The following ATF7IP2 variants were observed in gnomAD, a reference collection of about 807,000 sequenced individuals.
ATF7IP2 encodes the protein activating transcription factor 7 interacting protein 2.
A neutral mutation model predicts 64.2 loss-of-function variants in ATF7IP2; 42 were observed. The ratio of observed to expected loss-of-function variants is 0.65; its 90% CI spans 0.51 to 0.85. The LOEUF is 0.85. Among genes scored for constraint, ATF7IP2 ranks in the 40% least tolerant of loss-of-function variants. The pLI, the probability that ATF7IP2 is intolerant of heterozygous loss-of-function variation, is 0.00. For missense variants in ATF7IP2, 933 were observed against 784.2 expected, an observed-to-expected ratio of 1.19 and a Z score of -2.27; for synonymous variants, 308 against 272.8, an observed-to-expected ratio of 1.13 and a Z score of -1.27.
At chr16:10,435,306 T>G (rs761722360) in intron 6 of ATF7IP2, among the ~76,000 whole-genome samples, 49 of 152,246 alleles carry the variant, frequency 3.2e-4, no homozygotes, top group Admixed American at 6.5e-5. Flanking sequence ...TAATTCCAGT[T>G]AAATTACTGA....
intron 7 of ATF7IP2, among the ~76,000 whole-genome samples, chr16:10,439,591 C>T (rs1216781647): frequency 2.2e-5 from 3 of 133,706 alleles, no homozygotes; most frequent in Admixed American, 8.0e-5. Flanking sequence ...GGAGTGCAGT[C>T]GTGTGATCTC....
chr16:10,445,714 T>TCC (rs1251007318), intron 8 of ATF7IP2: 2 of 152,068 alleles, frequency 1.3e-5, no homozygotes, highest in African/African-American at 4.8e-5. Context: ...TTTATGTTGG[T>TCC]CAGGCTGGTC....
chr16:10,402,973 G>A lies in ATF7IP2; in HGVS notation c.-241-11601G>A, dbSNP rs78729674. On this transcript the variant is annotated intron_variant, in intron 1 of 13. Coordinates refer to ENST00000562102, the MANE Select transcript of ATF7IP2 (RefSeq NM_001393719.1). ...TGGTCTGACTTGGAGAATGTTCCAT[G>A]TGCTAATGAGAAAAATGTATACTCT... 3.2e-3 allele frequency among the ~76,000 whole-genome samples: 483 copies of A among 151,976 alleles called. 1 individual carries two copies. Among genetic ancestry groups the A allele is most frequent in the African/African-American group, 0.011 (458 of 41,456 alleles).
chr16:10,398,857 T>C (rs1190832648), intron 1 of ATF7IP2, among the ~76,000 whole-genome samples: 1 of 152,214 alleles, frequency 6.6e-6, no homozygotes, highest in East Asian at 1.9e-4. Flanking sequence ...CTCACTCCTG[T>C]AATCCCACCA....
chr16:10,459,603 C>T (rs141137399), intron 9 of ATF7IP2, among the ~76,000 whole-genome samples: 150 of 152,126 alleles, frequency 9.9e-4, no homozygotes, highest in African/African-American at 3.5e-3. Context: ...GCTGAGATCA[C>T]GCCACTGTAC....
At chr16:10,439,448 A>G (rs1286748274) in intron 7 of ATF7IP2, among the ~76,000 whole-genome samples, 2 of 148,656 alleles carry the variant, frequency 1.3e-5, no homozygotes, top group African/African-American at 2.5e-5. Flanking sequence ...ATTAGCGTTG[A>G]TGGTCTCAAT....
intron 9 of ATF7IP2, among the ~76,000 whole-genome samples, chr16:10,460,505 C>T (rs960957797): frequency 4.6e-5 from 7 of 152,072 alleles, no homozygotes; most frequent in South Asian, 2.1e-4. Context: ...GATTGGCATG[C>T]GCTGGACAAA....
intron 1 of ATF7IP2, among the ~76,000 whole-genome samples, chr16:10,406,232 G>T (rs377238156): frequency 6.6e-6 from 1 of 152,134 alleles, no homozygotes; most frequent in Admixed American, 6.5e-5. Flanking sequence ...TCAGCCTCTC[G>T]AGTAGCTGGG....
At chr16:10,477,304 T>G (rs2050046161) in intron 12 of ATF7IP2, among the ~76,000 whole-genome samples, 1 of 152,206 alleles carries the variant, frequency 6.6e-6, no homozygotes, top group Non-Finnish European at 1.5e-5. Flanking sequence ...TTGCGTATAT[T>G]GAACCAGCCT....
chr16:10,439,068 T>A (rs1028603941), intron 7 of ATF7IP2, among the ~76,000 whole-genome samples: 90 of 107,494 alleles, frequency 8.4e-4, no homozygotes, highest in East Asian at 1.5e-3. Context: ...AAAAAAAAAA[T>A]AGGCAGTTTC....
intron 9 of ATF7IP2, among the ~76,000 whole-genome samples, chr16:10,470,641 C>T (rs935472677): frequency 2.6e-5 from 4 of 151,774 alleles, no homozygotes; most frequent in African/African-American, 9.7e-5. Context: ...AAAAGTTAGC[C>T]AGGCCTGGTG....
intron 3 of ATF7IP2, among the ~76,000 whole-genome samples, chr16:10,425,151 C>T (rs1318496673): frequency 2.0e-5 from 3 of 151,138 alleles, no homozygotes; most frequent in South Asian, 2.1e-4. Flanking sequence ...CTCTGCCTCC[C>T]GGGTTCAAGC....
Position 10,432,482 on chromosome 16 carries a change from G to A in ATF7IP2, c.835+1027G>A, listed in dbSNP as rs1222449610. On this transcript the variant is annotated intron_variant, in intron 5 of 13. Transcript: ENST00000562102. ...AGGCTGGGTGTGGTGGCTCATGCCT[G>A]TAATTAACAGCACTTTGGGAGGCCG... is the stretch of plus-strand genomic sequence containing the variant. Among the ~76,000 whole-genome samples the A allele has an allele frequency of 2.6e-5, 4 of 152,036 alleles. No individual in the cohort carries two copies. In the South Asian group the frequency reaches 6.3e-4, roughly 24 times the overall value.
chr16:10,458,877 G>A (rs531196694), intron 9 of ATF7IP2, among the ~76,000 whole-genome samples: 17 of 152,160 alleles, frequency 1.1e-4, no homozygotes, highest in East Asian at 3.8e-4. Context: ...GGGAACCTTC[G>A]TTTAACAATT....
Position 10,482,273 on chromosome 16 carries a change from A to C in ATF7IP2, c.*24A>C, listed in dbSNP as rs751323355. On this transcript the variant is annotated 3_prime_UTR_variant, in exon 14 of 14. Transcript: ENST00000562102. ...AAAAGGTGTTTAATAATGATATACTACTTTTTTTTTCATATTTGTTTGTTT... is the reference window on the plus strand; with the variant it reads ...AAAAGGTGTTTAATAATGATATACTCCTTTTTTTTTCATATTTGTTTGTTT... 17 of 1,483,856 alleles carry C rather than the reference A, an allele frequency of 1.1e-5. No homozygotes were observed. The highest frequency in any genetic ancestry group is 1.3e-5 in the South Asian group (1 of 76,746). 91.9% of individuals were successfully genotyped at this position (1,483,856 alleles called of 1,614,324 possible).
chr16:10,438,236 G>T lies in ATF7IP2; in HGVS notation c.1095+1G>T. ...TGAAGGAATAGCTGATAAACTTTTG[G>T]TAAGTTTTGATTTCATTTGAGTCTT... On this transcript the variant is annotated splice_donor_variant, in intron 7 of 13. Coordinates refer to ENST00000562102, the MANE Select transcript of ATF7IP2 (RefSeq NM_001393719.1). LOFTEE classifies it high-confidence loss of function. The T allele has an allele frequency of 6.3e-7, 1 of 1,593,456 alleles. No homozygotes were observed. Among genetic ancestry groups the T allele is most frequent in the Non-Finnish European group, 8.5e-7 (1 of 1,172,718 alleles).
intron 9 of ATF7IP2, 28 bp from the exon 10 acceptor site, chr16:10,472,076 AGTTTTT>A: frequency 8.3e-7 from 1 of 1,203,316 alleles, no homozygotes; most frequent in Non-Finnish European, 1.2e-6. Flanking sequence ...ATGCATGTTT[AGTTTTT>A]GTTTTTAATT....
intron 9 of ATF7IP2, among the ~76,000 whole-genome samples, chr16:10,460,405 C>G (rs1480743756): frequency 6.6e-6 from 1 of 152,052 alleles, no homozygotes; most frequent in Non-Finnish European, 1.5e-5. Flanking sequence ...GTTCAGAGGT[C>G]AAGATACTCT....
intron 13 of ATF7IP2, among the ~76,000 whole-genome samples, chr16:10,481,579 G>C (rs2050230601): frequency 6.6e-6 from 1 of 152,146 alleles, no homozygotes; most frequent in South Asian, 2.1e-4. Flanking sequence ...TAGTGTTTGA[G>C]AGCGCAATTT....
Sources: gnomAD v4.1 joint callset for allele counts (sites outside exome capture counted in the v4.1 genomes callset) on GRCh38, gnomAD v4.1.1 for gene constraint, MANE v1.5 for transcripts, NCBI Gene and HGNC (gene_info 2026-07-23, HGNC 2026-07-21) for gene names.